Variants in LIN28B observed in about 807,000 individuals in gnomAD.
LIN28B encodes the protein lin-28 RNA binding posttranscriptional regulator B.
In LIN28B, 5 loss-of-function variants were observed where a neutral mutation model predicts 21.9. The observed-to-expected ratio is 0.23, with a 90% CI of 0.12 to 0.48. The LOEUF is 0.48. Among genes scored for constraint, LIN28B ranks in the 20% least tolerant of loss-of-function variants. The pLI, the probability that LIN28B is intolerant of heterozygous loss-of-function variation, is 0.98. For missense variants in LIN28B, 245 were observed against 310.5 expected, an observed-to-expected ratio of 0.79 and a Z score of 1.58; for synonymous variants, 109 against 111.3, an observed-to-expected ratio of 0.98 and a Z score of 0.13.
intron 2 of LIN28B, among the ~76,000 whole-genome samples, chr6:105,013,254 G>A (rs1033835052): frequency 4.1e-4 from 62 of 151,892 alleles, no homozygotes; most frequent in African/African-American, 9.9e-4. Flanking sequence ...CAGGTGATCC[G>A]CCTGCCTCTG....
chr6:105,022,427 A>G (rs773099565), intron 2 of LIN28B, among the ~76,000 whole-genome samples: 4 of 152,204 alleles, frequency 2.6e-5, no homozygotes, highest in Non-Finnish European at 5.9e-5. Context: ...TATGTTTAAC[A>G]AAGTATAGAC....
chr6:105,071,447 AT>A (rs1309454066), intron 3 of LIN28B, among the ~76,000 whole-genome samples: 1 of 152,166 alleles, frequency 6.6e-6, no homozygotes, highest in Non-Finnish European at 1.5e-5. Flanking sequence ...TAGCTTAACA[AT>A]AACAATTAGT....
chr6:104,963,342 G>T (rs1449352421), intron 2 of LIN28B, among the ~76,000 whole-genome samples: 6 of 152,110 alleles, frequency 3.9e-5, no homozygotes, highest in Non-Finnish European at 8.8e-5. Flanking sequence ...CACCGCTCCT[G>T]GCCAGGCATT....
intron 2 of LIN28B, among the ~76,000 whole-genome samples, chr6:104,992,647 G>A (rs939632921): frequency 2.6e-5 from 4 of 151,858 alleles, no homozygotes; most frequent in African/African-American, 4.8e-5. Context: ...CTGGGATCAC[G>A]GTCATGTGCC....
chr6:105,033,388 A>G (rs1052076773), intron 3 of LIN28B, among the ~76,000 whole-genome samples: 1 of 152,004 alleles, frequency 6.6e-6, no homozygotes, highest in East Asian at 1.9e-4. Flanking sequence ...GTGAAGAGTT[A>G]CTCCCTGTGG....
Position 105,078,986 on chromosome 6 carries a change from G to GAT in LIN28B, c.*205_*206dup. 1.7e-6 allele frequency: 1 copy of GAT among 573,514 alleles called. No homozygotes were observed. Among genetic ancestry groups the GAT allele is most frequent in the Non-Finnish European group, 3.0e-6 (1 of 329,596 alleles). 35.5% of individuals were successfully genotyped at this position (573,514 alleles called of 1,614,324 possible). On this transcript the variant is annotated 3_prime_UTR_variant, in exon 4 of 4. Transcript: ENST00000345080. ...TGTTTTATGTTAATTCAGAGAATAA[G>GAT]ATACTATGTCTGTCAATATGTGCAT... is the stretch of plus-strand genomic sequence containing the variant.
At chr6:105,046,834 G>C (rs1487053543) in intron 3 of LIN28B, among the ~76,000 whole-genome samples, 2 of 152,094 alleles carry the variant, frequency 1.3e-5, no homozygotes, top group African/African-American at 4.8e-5. Context: ...AGTGTCTGTT[G>C]ATCTCCTTCG....
In LIN28B at chr6:105,082,444, T is replaced by C. The variant is rs1228683323; in HGVS notation, c.*3661T>C. The C allele has an allele frequency of 6.6e-6, 1 of 152,658 alleles. No individual in the cohort carries two copies. The highest frequency in any genetic ancestry group is 6.5e-5 in the Admixed American group (1 of 15,276). 9.5% of individuals were successfully genotyped at this position (152,658 alleles called of 1,614,324 possible). A position where few individuals can be genotyped will look rare whatever the true frequency, so the allele number is the denominator to read the frequency against. ...ATTATACAGGACATGGGAAATCTCA[T>C]TAAGTCTTAAAGTTAATTTAAATTA... On this transcript the variant is annotated 3_prime_UTR_variant, in exon 4 of 4. Coordinates refer to ENST00000345080, the MANE Select transcript of LIN28B (RefSeq NM_001004317.4).
intron 2 of LIN28B, among the ~76,000 whole-genome samples, chr6:104,995,771 A>T (rs375094977): frequency 1.5e-4 from 23 of 152,280 alleles, no homozygotes; most frequent in East Asian, 9.6e-4. Context: ...TTTTTACTCA[A>T]CAGCATGTAA....
At chr6:104,981,784 C>G (rs1770231771) in intron 2 of LIN28B, among the ~76,000 whole-genome samples, 1 of 152,156 alleles carries the variant, frequency 6.6e-6, no homozygotes, top group South Asian at 2.1e-4. Flanking sequence ...TTACTTGTTG[C>G]TCTTTTTATA....
intron 2 of LIN28B, among the ~76,000 whole-genome samples, chr6:104,998,078 G>A (rs1035567732): frequency 6.6e-6 from 1 of 152,094 alleles, no homozygotes; most frequent in African/African-American, 2.4e-5. Context: ...GTCATAATTA[G>A]AATAGTTTTA....
chr6:104,953,320 TG>T (rs1349266171), upstream of LIN28B, among the ~76,000 whole-genome samples: 1 of 151,280 alleles, frequency 6.6e-6, no homozygotes, highest in East Asian at 1.9e-4. Flanking sequence ...CCGGTGGGGG[TG>T]GGGGTGCTCA....
chr6:104,996,111 A>G (rs1195030875), intron 2 of LIN28B, among the ~76,000 whole-genome samples: 1 of 152,170 alleles, frequency 6.6e-6, no homozygotes, highest in Non-Finnish European at 1.5e-5. Context: ...AGGGCGTTAA[A>G]AAGGACTTAT....
intron 3 of LIN28B, among the ~76,000 whole-genome samples, chr6:105,049,494 G>A (rs557024102): frequency 6.6e-6 from 1 of 152,318 alleles, no homozygotes; most frequent in Non-Finnish European, 1.5e-5. Flanking sequence ...TTGGGGTGGA[G>A]AGTTCTGTAG....
chr6:105,066,477 G>C (rs895773574), intron 3 of LIN28B, among the ~76,000 whole-genome samples: 1 of 152,070 alleles, frequency 6.6e-6, no homozygotes, highest in Admixed American at 6.5e-5. Context: ...ATCTAATCTT[G>C]TATGTACAGT....
chr6:104,955,304 T>G (rs1778271638), upstream of LIN28B, among the ~76,000 whole-genome samples: 1 of 152,136 alleles, frequency 6.6e-6, no homozygotes, highest in African/African-American at 2.4e-5. Flanking sequence ...AGTCATTGGA[T>G]TTTTGCACCT....
rs2114429727 is a variant in LIN28B, at chr6:105,079,820, T to C, written c.*1037T>C. 1 of 152,288 alleles carries C rather than the reference T, an allele frequency of 6.6e-6. No individual in the cohort carries two copies. Among genetic ancestry groups the C allele is most frequent in the South Asian group, 2.1e-4 (1 of 4,828 alleles). The allele number at this position is 152,288 out of a possible 1,614,324, so 9.4% of individuals were successfully genotyped here. A position where few individuals can be genotyped will look rare whatever the true frequency, so the allele number is the denominator to read the frequency against. The stretch of plus-strand genomic sequence containing the variant: ...GTGGTTTTTATTCCTCCTGGAGAGT[T>C]ATCTAATTTGTTTCTAAAACAAACA... On this transcript the variant is annotated 3_prime_UTR_variant, in exon 4 of 4. Coordinates refer to ENST00000345080, the MANE Select transcript of LIN28B (RefSeq NM_001004317.4).
chr6:104,966,448 A>G (rs1475237173), intron 2 of LIN28B, among the ~76,000 whole-genome samples: 3 of 151,934 alleles, frequency 2.0e-5, no homozygotes, highest in Admixed American at 1.3e-4. Flanking sequence ...CATTTTAATT[A>G]TAAGAGTTTT....
At chr6:104,950,004 A>G (rs2114551955) in intron 2 of LIN28B, among the ~76,000 whole-genome samples, 1 of 152,318 alleles carries the variant, frequency 6.6e-6, no homozygotes, top group South Asian at 2.1e-4. Context: ...TCTATTTTAT[A>G]GTACCATCGT....
Sources: allele counts gnomAD v4.1 joint callset (sites outside exome capture counted in the v4.1 genomes callset), GRCh38; gene constraint gnomAD v4.1.1; transcripts MANE v1.5; gene names NCBI Gene and HGNC (gene_info 2026-07-23, HGNC 2026-07-21).